The following CSMD1 variants were observed in gnomAD, a reference collection of about 807,000 sequenced individuals.
CSMD1 encodes the protein CUB and Sushi multiple domains 1.
A neutral mutation model predicts 417.5 loss-of-function variants in CSMD1; 213 were observed. That is an observed-to-expected ratio of 0.51 (90% CI 0.46 to 0.57). The LOEUF is 0.57. Ranked by LOEUF, CSMD1 falls within the 20% of genes least tolerant of loss-of-function variation. The pLI, the probability that CSMD1 is intolerant of heterozygous loss-of-function variation, is 0.00. For synonymous variants in CSMD1, 2,862 were observed against 1,736.8 expected, an observed-to-expected ratio of 1.65 and a Z score of -16.11; for missense variants, 6,923 against 4,529.7, an observed-to-expected ratio of 1.53 and a Z score of -15.17.
intron 3 of CSMD1, among the ~76,000 whole-genome samples, chr8:4,055,065 A>G (rs2552155): frequency 0.9 from 137,558 of 152,242 alleles, 62,340 homozygotes; most frequent in East Asian, 0.99. Flanking sequence ...TCAAACAATC[A>G]GAGAGAATAC....
chr8:3,668,475 G>A (rs1049961442), intron 7 of CSMD1, among the ~76,000 whole-genome samples: 1 of 152,126 alleles, frequency 6.6e-6, no homozygotes, highest in East Asian at 1.9e-4. Context: ...ATAGAGTTTG[G>A]GGGATATTAC....
intron 1 of CSMD1, among the ~76,000 whole-genome samples, chr8:4,976,961 G>A (rs1343225959): frequency 6.6e-6 from 1 of 152,160 alleles, no homozygotes; most frequent in Non-Finnish European, 1.5e-5. Flanking sequence ...GGCAGATGCT[G>A]TTGTCTTTCT....
At chr8:3,598,472 C>T (rs1414522205) in intron 8 of CSMD1, among the ~76,000 whole-genome samples, 1 of 152,152 alleles carries the variant, frequency 6.6e-6, no homozygotes, top group Non-Finnish European at 1.5e-5. Flanking sequence ...GGACCGACCG[C>T]CCCATAGGCT....
intron 1 of CSMD1, chr8:4,787,969 G>T (rs1402941136): frequency 1.3e-6 from 2 of 1,595,872 alleles, no homozygotes; most frequent in African/African-American, 1.3e-5. Flanking sequence ...TGGCCATCAG[G>T]AGATCGAAGC....
chr8:3,978,751 AT>A (rs1315896977), intron 5 of CSMD1, among the ~76,000 whole-genome samples: 13 of 152,172 alleles, frequency 8.5e-5, no homozygotes, highest in African/African-American at 3.1e-4. Context: ...AGCATACGAC[AT>A]CAGTGCATGA....
At chr8:4,775,795 G>A (rs1796824282) in intron 1 of CSMD1, among the ~76,000 whole-genome samples, 1 of 152,080 alleles carries the variant, frequency 6.6e-6, no homozygotes, top group Non-Finnish European at 1.5e-5. Context: ...CTGGGGATGG[G>A]TCCTCTTAGG....
chr8:3,032,766 C>T (rs998242264), intron 50 of CSMD1, among the ~76,000 whole-genome samples: 1 of 152,030 alleles, frequency 6.6e-6, no homozygotes, highest in Non-Finnish European at 1.5e-5. Flanking sequence ...TCTGTGCATC[C>T]TCAACCTCTA....
At chr8:4,401,189 A>G (rs1030160394) in intron 3 of CSMD1, among the ~76,000 whole-genome samples, 2 of 152,152 alleles carry the variant, frequency 1.3e-5, no homozygotes, top group African/African-American at 4.8e-5. Flanking sequence ...AATTAAGAGA[A>G]AAACTCTTCA....
chr8:3,690,678 G>C (rs1241171516), intron 7 of CSMD1, among the ~76,000 whole-genome samples: 1 of 152,134 alleles, frequency 6.6e-6, no homozygotes, highest in Non-Finnish European at 1.5e-5. Context: ...TGGAGTTGTA[G>C]GAAGGCTGAG....
intron 7 of CSMD1, among the ~76,000 whole-genome samples, chr8:3,618,003 C>G (rs1412052869): frequency 1.3e-5 from 2 of 152,016 alleles, no homozygotes; most frequent in Non-Finnish European, 2.9e-5. Context: ...TCAAGTTTAG[C>G]TTAGTTTGTT....
At chr8:3,045,412 T>G (rs1811369853) in intron 50 of CSMD1, among the ~76,000 whole-genome samples, 2 of 152,200 alleles carry the variant, frequency 1.3e-5, no homozygotes, top group Non-Finnish European at 2.9e-5. Flanking sequence ...TAGGTATAAG[T>G]GAAGCTACCT....
rs373528405 is a variant in CSMD1 at position 3,447,544 on chromosome 8, C to G, written c.1561+21168G>C. On this transcript the variant is annotated intron_variant, in intron 12 of 69. Transcript: ENST00000635120. ...GCGGCTGGTGTGGGACAGGTGGCAC[C>G]CGGAACCACTGTTCACAGAGGGCGA... Among the ~76,000 whole-genome samples the G allele has an allele frequency of 7.6e-4, 116 of 152,174 alleles. No homozygotes were observed. In the South Asian group the frequency reaches 0.015, roughly 20 times the overall value.
chr8:4,209,278 C>A (rs1484728796), intron 3 of CSMD1, among the ~76,000 whole-genome samples: 3 of 152,298 alleles, frequency 2.0e-5, no homozygotes, highest in Admixed American at 6.5e-5. Flanking sequence ...CTCTTTCCTT[C>A]ATTTCACAGC....
chr8:4,580,591 T>C (rs2725067), intron 2 of CSMD1, among the ~76,000 whole-genome samples: 63,255 of 151,888 alleles, frequency 0.42, 13,771 homozygotes, highest in African/African-American at 0.54. Flanking sequence ...TCCTCTTCCA[T>C]CTCACCCATA....
intron 3 of CSMD1, among the ~76,000 whole-genome samples, chr8:4,268,468 C>G (rs1016221990): frequency 1.3e-5 from 2 of 152,086 alleles, no homozygotes; most frequent in East Asian, 3.9e-4. Flanking sequence ...AAGGTAGTAT[C>G]GCTGCTTACG....
intron 30 of CSMD1, among the ~76,000 whole-genome samples, 200 bp downstream of exon 30, chr8:3,214,297 A>G (rs1797772624): frequency 6.6e-6 from 1 of 152,206 alleles, no homozygotes; most frequent in African/African-American, 2.4e-5. Flanking sequence ...TGCTCCTCCC[A>G]GAAACCTATG....
chr8:4,890,434 C>A (rs969942207), intron 1 of CSMD1, among the ~76,000 whole-genome samples: 1 of 151,786 alleles, frequency 6.6e-6, no homozygotes, highest in Non-Finnish European at 1.5e-5. Context: ...CCGACACCCT[C>A]CCGCAGGACA....
intron 5 of CSMD1, among the ~76,000 whole-genome samples, chr8:3,980,059 A>T (rs1297511270): frequency 5.9e-5 from 9 of 152,350 alleles, no homozygotes; most frequent in African/African-American, 1.9e-4. Flanking sequence ...TGACAGACTC[A>T]CACAAGTAAC....
intron 3 of CSMD1, among the ~76,000 whole-genome samples, chr8:4,095,760 C>T (rs17068944): frequency 6.6e-6 from 1 of 152,060 alleles, no homozygotes; most frequent in African/African-American, 2.4e-5. Flanking sequence ...CTACATAGTC[C>T]TATTACGTGA....
Sources: gnomAD v4.1 joint callset for allele counts (sites outside exome capture counted in the v4.1 genomes callset) on GRCh38, gnomAD v4.1.1 for gene constraint, MANE v1.5 for transcripts, NCBI Gene and HGNC (gene_info 2026-07-23, HGNC 2026-07-21) for gene names.